Variants in SYNPO2 observed in about 807,000 individuals in gnomAD.
SYNPO2 encodes synaptopodin 2, also known as synaptopodin-2.
Under a neutral mutation model 85.0 loss-of-function variants are expected in SYNPO2, and 56 were observed. The ratio of observed to expected loss-of-function variants is 0.66; its 90% confidence interval spans 0.53 to 0.82. The LOEUF (loss-of-function observed/expected upper bound fraction) is 0.82, where lower values mean the gene tolerates loss of function less well. SYNPO2 is among the 40% of genes least tolerant of loss of function. SYNPO2 has a pLI of 0.00. For synonymous variants in SYNPO2, 602 were observed against 591.1 expected (o/e 1.02, Z -0.27); for missense variants, 1,575 against 1,534.2 (o/e 1.03, Z -0.44).
At chr4:118,885,690 C>G (rs1315527366), upstream of SYNPO2, among the ~76,000 whole-genome samples, 3 of 152,086 alleles carry the variant, frequency 2.0e-5, no homozygotes, top group African/African-American at 7.2e-5. Flanking sequence ...CCAGGCTGGT[C>G]TTGAGCTCCT....
At chr4:118,981,972 C>A (rs79578724) in intron 1 of SYNPO2, among the ~76,000 whole-genome samples, 79 of 152,230 alleles carry the variant, frequency 5.2e-4, no homozygotes, top group African/African-American at 1.8e-3. Flanking sequence ...CACTTGAGGG[C>A]GGCATTGCCT....
intron 1 of SYNPO2, among the ~76,000 whole-genome samples, chr4:118,873,642 T>C (rs62329297): frequency 0.32 from 48,839 of 152,184 alleles, 9,357 homozygotes; most frequent in South Asian, 0.45. Flanking sequence ...TTTCTCCCAT[T>C]CCACAGGTTG....
intron 1 of SYNPO2, among the ~76,000 whole-genome samples, chr4:119,015,723 A>G (rs760017433): frequency 6.6e-6 from 1 of 152,222 alleles, no homozygotes; most frequent in Non-Finnish European, 1.5e-5. Flanking sequence ...AAAATGATAT[A>G]AACATTTTAA....
chr4:119,043,736 A>T (rs1173389381), intron 4 of SYNPO2: 1 of 152,104 alleles, frequency 6.6e-6, no homozygotes, highest in Non-Finnish European at 1.5e-5. Context: ...TCAGGAGTTT[A>T]AGACCAGCCT....
chr4:119,005,401 T>C (rs1486080733), intron 1 of SYNPO2, among the ~76,000 whole-genome samples: 2 of 151,930 alleles, frequency 1.3e-5, no homozygotes, highest in Non-Finnish European at 2.9e-5. Flanking sequence ...AATTAATTTT[T>C]GTTTAAGGTG....
intron 4 of SYNPO2, chr4:119,035,568 T>G: frequency 1.0e-6 from 1 of 985,400 alleles, no homozygotes; most frequent in Non-Finnish European, 1.2e-6. Flanking sequence ...AAAATATATT[T>G]AGTATGATTG....
At position 119,057,592 on chromosome 4, in the gene SYNPO2, A is replaced by T. The variant is rs747422450; in HGVS notation, c.3444A>T (p.Gln1148His). 1.5e-5 allele frequency: 25 copies of T among 1,613,922 alleles called. No homozygotes were observed. The highest frequency in any genetic ancestry group is 1.8e-5 in the Non-Finnish European group (21 of 1,180,020). Residue 1148 changes from glutamine to histidine, a missense_variant, in exon 5 of 5, where the codon CAA becomes CAT. Gln to His is a conservative substitution (Grantham distance 24, BLOSUM62 0). Transcript: ENST00000307142. Reference protein sequence around the residue: ...SPLGLVDDAFQPRNIQESIVA... With the variant: ...SPLGLVDDAFHPRNIQESIVA... ...TCGGTCTAGTGGATGATGCTTTCCA[A>T]CCCAGAAACATCCAGGAATCCATTG...
chr4:118,885,302 C>T (rs1004458844), upstream of SYNPO2, among the ~76,000 whole-genome samples: 4 of 152,062 alleles, frequency 2.6e-5, no homozygotes, highest in African/African-American at 9.7e-5. Context: ...TTCAAAATTT[C>T]ACCCTGGCTT....
chr4:118,900,703 C>CTCTCTCTCTCTCTATATATA (rs1277981772), intron 1 of SYNPO2, among the ~76,000 whole-genome samples: 7 of 43,892 alleles, frequency 1.6e-4, no homozygotes, highest in Non-Finnish European at 2.7e-4. Context: ...CTCTCTCTCT[C>CTCTCTCTCTCTCTATATATA]TATATATATA....
chr4:119,035,151 A>T, intron 4 of SYNPO2: 1 of 985,472 alleles, frequency 1.0e-6, no homozygotes, highest in Non-Finnish European at 1.2e-6. Flanking sequence ...TAAATGAAAA[A>T]GGTCATTACA....
Position 119,023,452 on chromosome 4 carries a change from C to T in SYNPO2, c.128C>T (p.Ser43Phe), listed in dbSNP as rs760724816. Residue 43 changes from serine (S) to phenylalanine (F), a missense_variant, in exon 2 of 5, where the codon TCT becomes TTT. Ser to Phe is a radical substitution (Grantham distance 155, BLOSUM62 -2). Transcript: ENST00000307142. ...CAGATTCGAAATCAGAGCAAAGCCT[C>T]TGGGTCTGGGCTCTGTGAGGGAGAT... is the stretch of plus-strand genomic sequence containing the variant. ...VAKIRNQSKA[S>F]GSGLCEGDEV... 4 of 1,612,636 alleles carry T rather than the reference C, an allele frequency of 2.5e-6. No homozygotes were observed. The highest frequency in any genetic ancestry group is 3.4e-6 in the Non-Finnish European group (4 of 1,179,372).
chr4:119,057,838 T>C lies in SYNPO2; in HGVS notation c.3690T>C (p.Ser1230=), dbSNP rs2149202817. 1 of 1,614,128 alleles carries C rather than the reference T, an allele frequency of 6.2e-7. No individual in the cohort carries two copies. The highest frequency in any genetic ancestry group is 8.5e-7 in the Non-Finnish European group (1 of 1,180,024). Residue 1230 remains serine, a synonymous_variant, in exon 5 of 5, where the codon TCT becomes TCC. Coordinates refer to ENST00000307142, the MANE Select transcript of SYNPO2 (RefSeq NM_133477.3). ...AYYRQASRND[S]AIMSMETRSD... is the part of the protein sequence containing the mutation. ...ATAGGCAGGCTTCAAGAAATGATTC[T>C]GCAATCATGTCCATGGAAACCAGGT... is the stretch of plus-strand genomic sequence containing the variant.
At chr4:118,984,091 G>A (rs1245362736) in intron 1 of SYNPO2, among the ~76,000 whole-genome samples, 1 of 152,134 alleles carries the variant, frequency 6.6e-6, no homozygotes. Flanking sequence ...CTAGACTTCT[G>A]AAAAGATCAC....
chr4:118,894,602 A>AG (rs1560833458), intron 1 of SYNPO2, among the ~76,000 whole-genome samples: 1 of 151,762 alleles, frequency 6.6e-6, no homozygotes, highest in Non-Finnish European at 1.5e-5. Flanking sequence ...AGAAAGATGC[A>AG]GGGGGAAGGA....
intron 4 of SYNPO2, chr4:119,036,218 A>G: frequency 1.0e-6 from 1 of 985,444 alleles, no homozygotes; most frequent in Non-Finnish European, 1.2e-6. Context: ...GAAAAGCTAA[A>G]TGCTTAAAAT....
At position 118,888,875 on chromosome 4, in the gene SYNPO2, C is replaced by A. The variant is rs1159420305; in HGVS notation, c.-162C>A. Reference sequence around the variant, plus strand: ...AGCCGCACAAATTCGCAGCAGGCGGCTGGGGCGGCGGCTGGGGCAGCGGCT... The same window carrying A: ...AGCCGCACAAATTCGCAGCAGGCGGATGGGGCGGCGGCTGGGGCAGCGGCT... On this transcript the variant is annotated 5_prime_UTR_variant, in exon 1 of 5. The change creates a new upstream start codon in the 5' untranslated region. Coordinates refer to ENST00000307142, the MANE Select transcript of SYNPO2 (RefSeq NM_133477.3). 1.8e-5 allele frequency: 13 copies of A among 708,752 alleles called. No homozygotes were observed. Among genetic ancestry groups the A allele is most frequent in the Non-Finnish European group, 3.1e-5 (13 of 416,472 alleles). The allele number at this position is 708,752 out of a possible 1,614,324, so 43.9% of individuals were successfully genotyped here. A position where few individuals can be genotyped will look rare whatever the true frequency, so the allele number is the denominator to read the frequency against.
chr4:118,884,171 G>A (rs989826901), upstream of SYNPO2, among the ~76,000 whole-genome samples: 4 of 152,116 alleles, frequency 2.6e-5, no homozygotes, highest in Admixed American at 6.5e-5. Context: ...TTTTTCTCAA[G>A]GTTGCTTGCT....
At chr4:118,927,792 A>AGATAGATG (rs1733786020) in intron 1 of SYNPO2, among the ~76,000 whole-genome samples, 1 of 152,018 alleles carries the variant, frequency 6.6e-6, no homozygotes, top group Non-Finnish European at 1.5e-5. Flanking sequence ...ATAGATAGAT[A>AGATAGATG]GATAGATAGA....
At position 119,036,369 on chromosome 4, in the gene SYNPO2, C is replaced by T. The variant is rs1228095374; in HGVS notation, c.3252+4342C>T. On this transcript the variant is annotated intron_variant, in intron 4 of 4. Coordinates refer to ENST00000307142, the MANE Select transcript of SYNPO2 (RefSeq NM_133477.3). ...CAACACTGTATTCCCAGAAACATGA[C>T]CCTCGCTGGTCTTGGGTCCACATAT... 3.0e-6 allele frequency: 3 copies of T among 985,400 alleles called. No homozygotes were observed. In the East Asian group the frequency reaches 3.4e-4, roughly 112 times the overall value. 61.0% of individuals were successfully genotyped at this position (985,400 alleles called of 1,614,324 possible).
Sources: allele counts gnomAD v4.1 joint callset (sites outside exome capture counted in the v4.1 genomes callset), GRCh38; gene constraint gnomAD v4.1.1; transcripts MANE v1.5; gene names NCBI Gene and HGNC (gene_info 2026-07-23, HGNC 2026-07-21).